UPB1: variants seen among roughly 807,000 people sequenced by gnomAD.
The protein encoded by UPB1 is beta-ureidopropionase.
UPB1 carries 40 observed loss-of-function variants against 49.1 expected under a neutral mutation model. The observed-to-expected ratio is 0.81, with a 90% confidence interval of 0.63 to 1.06. The LOEUF is 1.06. UPB1 is among the 50% of genes least tolerant of loss of function. The probability of loss-of-function intolerance (pLI) is 0.00; values close to 1 mark genes in which losing one functional copy is unlikely to be tolerated. For missense variants in UPB1, 499 were observed against 505.9 expected, an observed-to-expected ratio of 0.99 and a Z score of 0.13; for synonymous variants, 207 against 198.2, an observed-to-expected ratio of 1.04 and a Z score of -0.38.
chr22:24,515,341 C>T lies in UPB1; in HGVS notation c.762C>T (p.Phe254=). The T allele has an allele frequency of 1.2e-6, 2 of 1,614,172 alleles. No homozygotes were observed. The highest frequency in any genetic ancestry group is 1.7e-6 in the Non-Finnish European group (2 of 1,180,032). ...GCATCAACGGGGCTGAGATCATCTT[C>T]AACCCCTCGGCCACGATAGGAGCAC... ...MYSINGAEII[F]NPSATIGALS... Residue 254 remains phenylalanine (F), a synonymous_variant, in exon 6 of 10, where the codon TTC becomes TTT. Transcript: ENST00000326010.
In UPB1 at chr22:24,526,731, C is replaced by G. The variant is rs914959845; in HGVS notation, c.*937C>G. On this transcript the variant is annotated 3_prime_UTR_variant, in exon 10 of 10. Transcript: ENST00000326010. ...TCCCTAGTTTGATTGAACTTAAAGG[C>G]ATCAATGACTCTATTTCCATAGAGT... The G allele has an allele frequency of 3.9e-5, 6 of 152,116 alleles. No homozygotes were observed. Among genetic ancestry groups the G allele is most frequent in the African/African-American group, 1.4e-4 (6 of 41,402 alleles). The allele number at this position is 152,116 out of a possible 1,614,324, so 9.4% of individuals were successfully genotyped here. A position where few individuals can be genotyped will look rare whatever the true frequency, so the allele number is the denominator to read the frequency against.
Position 24,510,771 on chromosome 22 carries a change from G to A in UPB1, c.387G>A (p.Thr129=), listed in dbSNP as rs149187760. 206 of 1,614,130 alleles carry A rather than the reference G, an allele frequency of 1.3e-4. 2 individuals carry two copies. The highest frequency in any genetic ancestry group is 1.0e-3 in the South Asian group (95 of 91,078). Residue 129 remains threonine (T), a synonymous_variant, in exon 4 of 10, where the codon ACG becomes ACA. Transcript: ENST00000326010. Reference sequence around the variant, plus strand: ...TAGCTATGCCCTTTGCCTTCTGTACGAGAGAGAAGCTTCCTTGGACAGAAT... The same window carrying A: ...TAGCTATGCCCTTTGCCTTCTGTACAAGAGAGAAGCTTCCTTGGACAGAAT... The part of the protein sequence containing the change: ...EAWTMPFAFC[T]REKLPWTEFA...
At chr22:24,516,633 G>A (rs1208976956) in intron 6 of UPB1, 1 of 152,262 alleles carries the variant, frequency 6.6e-6, no homozygotes, top group Non-Finnish European at 1.5e-5. Flanking sequence ...TGGGGAGCAG[G>A]GGGAGTTCTG....
At chr22:24,498,982 T>G (rs1033600055) in intron 1 of UPB1, among the ~76,000 whole-genome samples, 15 of 152,188 alleles carry the variant, frequency 9.9e-5, no homozygotes, top group African/African-American at 3.6e-4. Flanking sequence ...GCCCTTCCGC[T>G]GGAGGGTGGG....
At chr22:24,502,493 C>G in intron 3 of UPB1, 1 of 780,482 alleles carries the variant, frequency 1.3e-6, no homozygotes, top group South Asian at 1.3e-5. Flanking sequence ...TCACCTCTGG[C>G]TTTTGTAATT....
intron 5 of UPB1, 147 bp from the exon 6 acceptor site, chr22:24,515,054 G>A: frequency 9.2e-7 from 1 of 1,081,206 alleles, no homozygotes; most frequent in South Asian, 1.4e-5. Flanking sequence ...TGTGTGTTTT[G>A]TTTTTATCAT....
chr22:24,497,972 A>G (rs1385825905), intron 1 of UPB1, among the ~76,000 whole-genome samples: 3 of 152,114 alleles, frequency 2.0e-5, no homozygotes, highest in Non-Finnish European at 4.4e-5. Context: ...TGAGTGTGCA[A>G]CCCTGGCTGT....
At chr22:24,502,597 G>C (rs2147004637) in intron 3 of UPB1, 1 of 736,396 alleles carries the variant, frequency 1.4e-6, no homozygotes, top group Non-Finnish European at 2.5e-6. Context: ...CATCCTGGTA[G>C]TATGTACCTT....
intron 2 of UPB1, among the ~76,000 whole-genome samples, chr22:24,500,918 G>A (rs879582334): frequency 2.6e-5 from 4 of 152,198 alleles, no homozygotes; most frequent in Admixed American, 6.5e-5. Flanking sequence ...TCAGGATACG[G>A]CGTGTTTGAG....
chr22:24,510,915 C>T lies in UPB1; in HGVS notation c.459+72C>T, dbSNP rs567669852. 86 of 1,515,700 alleles carry T rather than the reference C, an allele frequency of 5.7e-5. No homozygotes were observed. In the African/African-American group the frequency reaches 9.4e-4, roughly 17 times the overall value. 93.9% of individuals were successfully genotyped at this position (1,515,700 alleles called of 1,614,324 possible). ...AGTCACAGAGCATGACCACAGCTGCCGGGTTTGGCCTTTCACCATGGAAAA... is the reference window on the plus strand; with the variant it reads ...AGTCACAGAGCATGACCACAGCTGCTGGGTTTGGCCTTTCACCATGGAAAA... On this transcript the variant is annotated intron_variant, in intron 4 of 9. Transcript: ENST00000326010.
chr22:24,506,949 G>T (rs1345120352), intron 3 of UPB1, among the ~76,000 whole-genome samples: 1 of 152,104 alleles, frequency 6.6e-6, no homozygotes, highest in Non-Finnish European at 1.5e-5. Context: ...AGGTTGTGTG[G>T]CCGCACCAGG....
At chr22:24,508,109 T>C (rs1181125552) in intron 3 of UPB1, among the ~76,000 whole-genome samples, 4 of 152,154 alleles carry the variant, frequency 2.6e-5, no homozygotes, top group Non-Finnish European at 4.4e-5. Flanking sequence ...TCTACAATTG[T>C]TAATTCTAAA....
intron 3 of UPB1, among the ~76,000 whole-genome samples, chr22:24,506,010 G>T (rs1477699703): frequency 7.4e-6 from 1 of 135,010 alleles, no homozygotes; most frequent in Non-Finnish European, 1.6e-5. Context: ...ACCGTGCCTG[G>T]CCCTAACTGC....
chr22:24,518,937 A>T (rs1054519437), intron 6 of UPB1, among the ~76,000 whole-genome samples: 1 of 152,164 alleles, frequency 6.6e-6, no homozygotes, highest in Non-Finnish European at 1.5e-5. Context: ...TCCTGCACAC[A>T]CTGGGCTCTC....
intron 3 of UPB1, among the ~76,000 whole-genome samples, chr22:24,510,397 A>G (rs1024172027): frequency 2.0e-5 from 3 of 152,140 alleles, no homozygotes; most frequent in African/African-American, 4.8e-5. Flanking sequence ...CATTGTGTAT[A>G]TATATATACC....
chr22:24,512,268 G>A (rs753842138), intron 4 of UPB1, among the ~76,000 whole-genome samples: 1 of 152,182 alleles, frequency 6.6e-6, no homozygotes, highest in Non-Finnish European at 1.5e-5. Flanking sequence ...AAAGAGAGCT[G>A]GTGCCAGAGA....
At chr22:24,513,211 C>A in intron 4 of UPB1, 113 bp from the exon 5 acceptor site, 1 of 1,470,386 alleles carries the variant, frequency 6.8e-7, no homozygotes, top group South Asian at 1.2e-5. Flanking sequence ...ACAACAAATG[C>A]AAGTGGTTGC....
intron 6 of UPB1, 27 bp downstream of exon 6, chr22:24,515,397 G>A (rs2044278058): frequency 6.2e-7 from 1 of 1,613,900 alleles, no homozygotes; most frequent in Non-Finnish European, 8.5e-7. Context: ...GGTCTGGGGG[G>A]CTTCCTGGGG....
At chr22:24,503,382 T>G (rs114445986) in intron 3 of UPB1, 4,409 of 152,416 alleles carry the variant, frequency 0.029, 113 homozygotes, top group African/African-American at 0.064. Flanking sequence ...TTTGCCTTGC[T>G]CTTGTGTTTC....
Sources: gnomAD v4.1 joint callset for allele counts (sites outside exome capture counted in the v4.1 genomes callset) on GRCh38, gnomAD v4.1.1 for gene constraint, MANE v1.5 for transcripts, NCBI Gene and HGNC (gene_info 2026-07-23, HGNC 2026-07-21) for gene names.